RNF166: variants seen among roughly 807,000 people sequenced by gnomAD.
RNF166 encodes the protein ring finger protein 166.
A neutral mutation model predicts 29.4 loss-of-function variants in RNF166; 19 were observed. That is an observed-to-expected ratio of 0.65 (90% CI 0.45 to 0.95). The LOEUF (loss-of-function observed/expected upper bound fraction) is 0.95, where lower values mean the gene tolerates loss of function less well. Among genes scored for constraint, RNF166 ranks in the 40% least tolerant of loss-of-function variants. The pLI is 0.00. For missense variants in RNF166, 347 were observed against 322.1 expected (o/e 1.08, Z -0.59); for synonymous variants, 171 against 134.5 (o/e 1.27, Z -1.88).
At chr16:88,703,194 G>A (rs546519695) in intron 1 of RNF166, 25 of 976,150 alleles carry the variant, frequency 2.6e-5, no homozygotes, top group Middle Eastern at 5.3e-4. Context: ...GGTGCCAGGC[G>A]AGGGGGAGAG....
At chr16:88,702,110 G>A (rs1343669258) in intron 1 of RNF166, among the ~76,000 whole-genome samples, 2 of 152,162 alleles carry the variant, frequency 1.3e-5, no homozygotes, top group Non-Finnish European at 2.9e-5. Context: ...AGCCCCGTGC[G>A]CACTCCGGGC....
chr16:88,703,780 C>T (rs570402292), intron 1 of RNF166: 66 of 985,456 alleles, frequency 6.7e-5, no homozygotes, highest in African/African-American at 4.0e-4. Context: ...AGCAGGCACC[C>T]GGGACTGCCA....
chr16:88,701,165 A>G lies in RNF166; in HGVS notation c.312+97T>C, dbSNP rs150532357. On this transcript the variant is annotated intron_variant, in intron 2 of 5. Transcript: ENST00000312838. Reference sequence around the variant, plus strand: ...AGAGACCGCGATTACTCAACAGGAAAGAGAGAGGGCCCCGGCCCCCACCCT... The same window carrying G: ...AGAGACCGCGATTACTCAACAGGAAGGAGAGAGGGCCCCGGCCCCCACCCT... The G allele has an allele frequency of 1.2e-3, 1,849 of 1,486,790 alleles. 19 individuals carry two copies. The African/African-American group carries it at 0.023, about 19-fold the overall frequency. 92.1% of individuals were successfully genotyped at this position (1,486,790 alleles called of 1,614,324 possible). A position where few individuals can be genotyped will look rare whatever the true frequency, so the allele number is the denominator to read the frequency against.
intron 1 of RNF166, among the ~76,000 whole-genome samples, chr16:88,702,570 A>C (rs1597410078): frequency 1.3e-5 from 2 of 152,300 alleles, no homozygotes; most frequent in East Asian, 3.9e-4. Context: ...GGCCTCAGGC[A>C]AAGGTGGCCA....
Position 88,698,952 on chromosome 16 carries a change from TG to T in RNF166, c.540+18del. The stretch of plus-strand genomic sequence containing the variant: ...GGCCTCCCCTGGCGCAGGCGTCGCT[TG>T]GGGCAGGCACTGCTCACCACGCGGT... On this transcript the variant is annotated intron_variant, in intron 4 of 5. Transcript: ENST00000312838. 1 of 1,546,288 alleles carries T rather than the reference TG, an allele frequency of 6.5e-7. No homozygotes were observed.
chr16:88,699,520 G>T lies in RNF166; in HGVS notation c.425+100C>A, dbSNP rs1286541231. 1.2e-5 allele frequency: 11 copies of T among 925,818 alleles called. 1 individual carries two copies. In the South Asian group the frequency reaches 1.5e-4, roughly 13 times the overall value. The allele number at this position is 925,818 out of a possible 1,614,324, so 57.4% of individuals were successfully genotyped here. On this transcript the variant is annotated intron_variant, in intron 3 of 5. Transcript: ENST00000312838. The stretch of plus-strand genomic sequence containing the variant: ...TTCCCCAGAGTGGACCCGGCCCCGG[G>T]TGACTCCCCCAGCCTCTCTGGGATG...
chr16:88,700,882 C>G, intron 2 of RNF166: 1 of 1,118,390 alleles, frequency 8.9e-7, no homozygotes, highest in Non-Finnish European at 1.1e-6. Flanking sequence ...ACTGTGCCCG[C>G]GGCCCTTGTG....
chr16:88,699,093 G>A lies in RNF166; in HGVS notation c.426-8C>T. 2 of 1,585,596 alleles carry A rather than the reference G, an allele frequency of 1.3e-6. No individual in the cohort carries two copies. The highest frequency in any genetic ancestry group is 1.7e-6 in the Non-Finnish European group (2 of 1,161,706). On this transcript the variant is annotated splice_polypyrimidine_tract_variant and splice_region_variant and intron_variant, in intron 3 of 5. Transcript: ENST00000312838. ...GACCTGTTGGGGATGTTGCTGGCGG[G>A]GCGGGGGTAGAGTGAGTGGCACGGC...
At chr16:88,704,727 C>T (rs1412459367) in intron 1 of RNF166, among the ~76,000 whole-genome samples, 4 of 152,208 alleles carry the variant, frequency 2.6e-5, no homozygotes, top group Admixed American at 1.3e-4. Context: ...CGGTGGCTCA[C>T]GCCTGTCATC....
In RNF166 at chr16:88,701,249, A is replaced by G. The variant is rs764766797; in HGVS notation, c.312+13T>C. The stretch of plus-strand genomic sequence containing the variant: ...GTGACCCCGGCTCCAGGGCGGCCCA[A>G]GCAGGCGGGTACCTTTTTGTTGCAG... On this transcript the variant is annotated intron_variant, in intron 2 of 5. Coordinates refer to ENST00000312838, the MANE Select transcript of RNF166 (RefSeq NM_178841.4). The G allele has an allele frequency of 3.4e-5, 55 of 1,613,292 alleles. No individual in the cohort carries two copies. The highest frequency in any genetic ancestry group is 4.2e-5 in the Non-Finnish European group (50 of 1,179,890).
Position 88,706,359 on chromosome 16 carries a change from T to A in RNF166, c.-34A>T. On this transcript the variant is annotated 5_prime_UTR_variant, in exon 1 of 6. Coordinates refer to ENST00000312838, the MANE Select transcript of RNF166 (RefSeq NM_178841.4). Reference sequence around the variant, plus strand: ...CAGGCCCGCGCCGCCCGCCGCCCGCTGTCCTGGCCCGGGCCGGCCCGCTAG... The same window carrying A: ...CAGGCCCGCGCCGCCCGCCGCCCGCAGTCCTGGCCCGGGCCGGCCCGCTAG... 1.7e-6 allele frequency: 2 copies of A among 1,211,492 alleles called. No homozygotes were observed. The highest frequency in any genetic ancestry group is 7.6e-5 in the South Asian group (2 of 26,228). 75.0% of individuals were successfully genotyped at this position (1,211,492 alleles called of 1,614,324 possible). A position where few individuals can be genotyped will look rare whatever the true frequency, so the allele number is the denominator to read the frequency against.
chr16:88,705,484 C>T (rs1020563127), intron 1 of RNF166, among the ~76,000 whole-genome samples: 1 of 152,336 alleles, frequency 6.6e-6, no homozygotes, highest in African/African-American at 2.4e-5. Flanking sequence ...GAGCACAGCT[C>T]CCCGCCAGGA....
chr16:88,706,254 G>T lies in RNF166; in HGVS notation c.72C>A (p.Asp24Glu). The change falls in exon 1 of 6, where the codon GAC becomes GAA. Residue 24 changes from aspartate to glutamate, a missense_variant. By Grantham distance (45) the Asp-to-Glu change is conservative. Transcript: ENST00000312838. ...RQPPAGPAGG[D>E]SGLEAQYTCP... ...AGGTGTACTGCGCCTCCAGGCCGCT[G>T]TCGCCGCCCGCCGGCCCGGCCGGCG... The T allele has an allele frequency of 7.7e-7, 1 of 1,302,192 alleles. No individual in the cohort carries two copies. The highest frequency in any genetic ancestry group is 9.8e-7 in the Non-Finnish European group (1 of 1,022,780). 80.7% of individuals were successfully genotyped at this position (1,302,192 alleles called of 1,614,324 possible).
rs1005585617 is a variant in RNF166, at chr16:88,699,905, G to C, written c.313-173C>G. The C allele has an allele frequency of 5.7e-6, 3 of 530,540 alleles. No individual in the cohort carries two copies. The African/African-American group carries it at 5.8e-5, about 10-fold the overall frequency. 32.9% of individuals were successfully genotyped at this position (530,540 alleles called of 1,614,324 possible). On this transcript the variant is annotated intron_variant, in intron 2 of 5. Coordinates refer to ENST00000312838, the MANE Select transcript of RNF166 (RefSeq NM_178841.4). ...CTAAAACAATCTCAGGCACTGAGCA[G>C]CCACTACTCCATGGCCAAAAGCAAG...
intron 3 of RNF166, among the ~76,000 whole-genome samples, chr16:88,699,343 G>A (rs1028357347): frequency 3.3e-5 from 5 of 152,246 alleles, no homozygotes; most frequent in African/African-American, 1.2e-4. Context: ...CCGTCTCTCG[G>A]CCCATCCACC....
chr16:88,706,105 G>C (rs1910771018), intron 1 of RNF166, 66 bp downstream of exon 1: 3 of 1,041,578 alleles, frequency 2.9e-6, no homozygotes, highest in Non-Finnish European at 3.5e-6. Context: ...GCGGCCGCCG[G>C]CCTCGCGACC....
intron 1 of RNF166, chr16:88,702,744 A>G (rs1281157156): frequency 5.1e-6 from 5 of 985,340 alleles, no homozygotes; most frequent in Admixed American, 6.1e-5. Flanking sequence ...CTTTTTCTGC[A>G]GAGTAAAGAG....
chr16:88,704,407 T>C (rs1910560193), intron 1 of RNF166: 1 of 985,398 alleles, frequency 1.0e-6, no homozygotes, highest in Non-Finnish European at 1.2e-6. Context: ...AAGAAAAGCA[T>C]GGCAGAGGGG....
intron 2 of RNF166, 192 bp downstream of exon 2, chr16:88,701,070 C>T (rs1465157159): frequency 9.2e-6 from 12 of 1,309,934 alleles, no homozygotes; most frequent in Non-Finnish European, 1.2e-5. Context: ...CGTCAGCCGT[C>T]ACCACAGGAA....
Sources: gnomAD v4.1 joint callset for allele counts (sites outside exome capture counted in the v4.1 genomes callset) on GRCh38, gnomAD v4.1.1 for gene constraint, MANE v1.5 for transcripts, NCBI Gene and HGNC (gene_info 2026-07-23, HGNC 2026-07-21) for gene names.